FLNA: variants seen among roughly 807,000 people sequenced by gnomAD.
The protein encoded by FLNA is filamin A.
Under a neutral mutation model 157.6 loss-of-function variants are expected in FLNA, and 7 were observed. The ratio of observed to expected loss-of-function variants is 0.04; its 90% CI spans 0.03 to 0.08. The LOEUF is 0.08. Among genes scored for constraint, FLNA ranks in the 10% least tolerant of loss-of-function variants. The pLI is 1.00. For missense variants in FLNA, 1,750 were observed against 2,398.4 expected (o/e 0.73, Z 5.65); for synonymous variants, 1,103 against 1,060.8 (o/e 1.04, Z -0.77).
chrX:154,352,496 T>G (rs1557175983), intron 40 of FLNA, 49 bp from the exon 41 acceptor site: 1 of 1,211,276 alleles, frequency 8.3e-7, no homozygotes, highest in East Asian at 3.0e-5. Flanking sequence ...GCTCCACCCC[T>G]CCTCTTGGGG....
chrX:154,361,814 G>A (rs1557178107), intron 19 of FLNA, 27 bp from the exon 20 acceptor site: 3 of 1,139,509 alleles, frequency 2.6e-6, no homozygotes, highest in Admixed American at 2.2e-5. Context: ...AGGGAAGGGG[G>A]TATTTAGAGA....
intron 1 of FLNA, among the ~76,000 whole-genome samples, chrX:154,372,722 CTGAG>C (rs1557180616): frequency 2.1e-5 from 2 of 96,895 alleles, no homozygotes; most frequent in Non-Finnish European, 4.0e-5. Context: ...GTTTCCTCCT[CTGAG>C]TGTTTTTTTT....
rs2067804266 is a variant in FLNA at position 154,371,195 on chromosome X, C to T, written c.51G>A (p.Pro17=). 8.4e-7 allele frequency: 1 copy of T among 1,196,028 alleles called. No homozygotes were observed. Among genetic ancestry groups the T allele is most frequent in the East Asian group, 3.0e-5 (1 of 33,249 alleles). The change falls in exon 2 of 48, where the codon CCG becomes CCA. Residue 17 remains proline, a synonymous_variant. Transcript: ENST00000369850. The stretch of plus-strand genomic sequence containing the variant: ...CGTCCCGCGTGTCGACGCCGCCGCC[C>T]GGAGCCGCGCCTGCTGCGCTCTGGC... ...RAGQSAAGAA[P]GGGVDTRDAE...
Position 154,357,631 on chromosome X carries a change from G to C in FLNA, c.4756-8C>G, listed in dbSNP as rs782437508. ...CGGCTTGCCTTCGGGATCCTGTGTG[G>C]CAGAGGCAGGGGAGGCAGTTGGCCC... is the stretch of plus-strand genomic sequence containing the variant. On this transcript the variant is annotated splice_polypyrimidine_tract_variant and splice_region_variant and intron_variant, in intron 28 of 47. Transcript: ENST00000369850. 1 of 1,209,215 alleles carries C rather than the reference G, an allele frequency of 8.3e-7. No individual in the cohort carries two copies. Among genetic ancestry groups the C allele is most frequent in the South Asian group, 1.8e-5 (1 of 56,744 alleles).
chrX:154,360,602 G>A lies in FLNA; in HGVS notation c.3208-15C>T. 8.5e-7 allele frequency: 1 copy of A among 1,180,306 alleles called. No individual in the cohort carries two copies. Among genetic ancestry groups the A allele is most frequent in the Non-Finnish European group, 1.1e-6 (1 of 875,870 alleles). On this transcript the variant is annotated splice_polypyrimidine_tract_variant and intron_variant, in intron 21 of 47. Transcript: ENST00000369850. ...AACGCCTTCACCTGAGGGAAGAAGG[G>A]GTCAGGAGCCAAGGCCACACTATGC...
chrX:154,373,014 C>T (rs782437495), intron 1 of FLNA, among the ~76,000 whole-genome samples: 3 of 111,469 alleles, frequency 2.7e-5, no homozygotes, highest in Non-Finnish European at 5.7e-5. Flanking sequence ...CTGAGGCCAA[C>T]CCCTGTATAT....
chrX:154,356,892 C>A (rs1266956021), intron 30 of FLNA, among the ~76,000 whole-genome samples: 2 of 112,362 alleles, frequency 1.8e-5, no homozygotes. Context: ...ACCCCTTGTT[C>A]CCTCAGCCCA....
chrX:154,350,340 C>A (rs1418919448), intron 44 of FLNA, 133 bp from the exon 45 acceptor site: 1 of 563,551 alleles, frequency 1.8e-6, no homozygotes, highest in Admixed American at 2.7e-5. Context: ...CCACGCTGGG[C>A]ACCTGCACCC....
chrX:154,349,652 T>C lies in FLNA; in HGVS notation c.7549A>G (p.Thr2517Ala). ...AATAGCTTGGCCCCAGGCTCACCTG[T>C]GACTTTGGCCTTGAAGGGGCTGCCC... ...IGGSPFKAKV[T>A]GPRLVSNHSL... Residue 2517 changes from threonine (T) to alanine (A), a missense_variant, in exon 46 of 48, where the codon ACA (threonine) becomes GCA (alanine). By Grantham distance (58) the Thr-to-Ala change is moderately conservative. This residue lies in a region of FLNA where 970 missense variants were observed against 1,302.6 expected (regional missense o/e 0.74). Transcript: ENST00000369850. The C allele has an allele frequency of 1.7e-6, 2 of 1,211,851 alleles. No homozygotes were observed. Among genetic ancestry groups the C allele is most frequent in the Non-Finnish European group, 2.2e-6 (2 of 895,317 alleles).
chrX:154,351,543 C>A (rs2067619226), intron 43 of FLNA, 38 bp downstream of exon 43: 1 of 983,736 alleles, frequency 1.0e-6, no homozygotes, highest in Non-Finnish European at 1.4e-6. Flanking sequence ...TGTCCGGGCC[C>A]AGGAGCCCCA....
At position 154,358,969 on chromosome X, in the gene FLNA, C is replaced by A. The variant is rs782677631; in HGVS notation, c.4474+15G>T. ...TGCCCTCCTGACCCCTGGCTCCAGG[C>A]ATGCAAACACTCACCTTTGGGCCCT... On this transcript the variant is annotated intron_variant, in intron 26 of 47. Coordinates refer to ENST00000369850, the MANE Select transcript of FLNA (RefSeq NM_001110556.2). 6.6e-6 allele frequency: 8 copies of A among 1,207,903 alleles called. No homozygotes were observed. Among genetic ancestry groups the A allele is most frequent in the South Asian group, 5.3e-5 (3 of 56,855 alleles).
In FLNA at chrX:154,360,603, G is replaced by A. The variant is rs2067698849; in HGVS notation, c.3208-16C>T. On this transcript the variant is annotated splice_polypyrimidine_tract_variant and intron_variant, in intron 21 of 47. Coordinates refer to ENST00000369850, the MANE Select transcript of FLNA (RefSeq NM_001110556.2). Reference sequence around the variant, plus strand: ...ACGCCTTCACCTGAGGGAAGAAGGGGTCAGGAGCCAAGGCCACACTATGCC... The same window carrying A: ...ACGCCTTCACCTGAGGGAAGAAGGGATCAGGAGCCAAGGCCACACTATGCC... The A allele has an allele frequency of 8.5e-7, 1 of 1,179,633 alleles. No individual in the cohort carries two copies. The highest frequency in any genetic ancestry group is 1.8e-5 in the South Asian group (1 of 55,995).
chrX:154,364,291 C>T lies in FLNA; in HGVS notation c.2104G>A (p.Gly702Ser), dbSNP rs781988346. Residue 702 changes from glycine (G) to serine (S), a missense_variant, in exon 14 of 48, where the codon GGT becomes AGT. Gly to Ser is a moderately conservative substitution (Grantham distance 56). This residue lies in a region of FLNA where 648 missense variants were observed against 805.8 expected (regional missense o/e 0.80). Coordinates refer to ENST00000369850, the MANE Select transcript of FLNA (RefSeq NM_001110556.2). ...PAEFTVDAKH[G>S]GKAPLRVQVQ... is the part of the protein sequence containing the mutation. ...TGGACCCGAAGTGGGGCCTTGCCACCGTGCTTGGCATCCACTGTGAACTCT... is the reference window on the plus strand; with the variant it reads ...TGGACCCGAAGTGGGGCCTTGCCACTGTGCTTGGCATCCACTGTGAACTCT... 2.6e-5 allele frequency: 32 copies of T among 1,211,178 alleles called. No homozygotes were observed. The highest frequency in any genetic ancestry group is 3.5e-5 in the South Asian group (2 of 57,017).
rs373913879 is a variant in FLNA at position 154,352,200 on chromosome X, T to C, written c.6750A>G (p.Arg2250=). The part of the protein sequence containing the change: ...KVRAGGPGLE[R]AEAGVPAEFS... ...GCCTACCTGGCACTCCAGCTTCAGC[T>C]CTCTCCAGGCCAGGGCCCCCAGCTC... The change falls in exon 41 of 48, where the codon AGA becomes AGG. Residue 2250 remains arginine, a synonymous_variant. Transcript: ENST00000369850. 1.9e-5 allele frequency: 23 copies of C among 1,209,276 alleles called. No individual in the cohort carries two copies. The highest frequency in any genetic ancestry group is 1.8e-5 in the Non-Finnish European group (16 of 895,028).
chrX:154,364,673 G>A lies in FLNA; in HGVS notation c.1875C>T (p.Asp625=), dbSNP rs200660642. ...GCACATCACAGGAGCCGTCGCCCTT[G>A]TCGTCACATTCGATCTTAGCCTGCG... ...GPSQAKIECD[D]KGDGSCDVRY... The change falls in exon 13 of 48, where the codon GAC becomes GAT. Residue 625 remains aspartate, a synonymous_variant. Coordinates refer to ENST00000369850, the MANE Select transcript of FLNA (RefSeq NM_001110556.2). 2,280 of 1,208,470 alleles carry A rather than the reference G, an allele frequency of 1.9e-3. No homozygotes were observed. The highest frequency in any genetic ancestry group is 2.4e-3 in the Non-Finnish European group (2,165 of 894,823).
chrX:154,350,137 G>A lies in FLNA; in HGVS notation c.7227C>T (p.Thr2409=), dbSNP rs375751609. 12 of 1,210,190 alleles carry A rather than the reference G, an allele frequency of 9.9e-6. No homozygotes were observed. In the African/African-American group the frequency reaches 2.1e-4, roughly 21 times the overall value. The part of the protein sequence containing the change: ...VYLIDVKFNG[T]HIPGSPFKIR... ...TCTTGAAGGGGCTTCCAGGGATGTG[G>A]GTGCCGTTGAACTTGACGTCAATCA... is the stretch of plus-strand genomic sequence containing the variant. Residue 2409 remains threonine, a synonymous_variant, in exon 45 of 48, where the codon ACC becomes ACT. Transcript: ENST00000369850.
At position 154,366,076 on chromosome X, in the gene FLNA, C is replaced by T. The variant is rs782029838; in HGVS notation, c.1377G>A (p.Thr459=). 1.2e-5 allele frequency: 15 copies of T among 1,208,740 alleles called. No homozygotes were observed. Among genetic ancestry groups the T allele is most frequent in the South Asian group, 1.8e-5 (1 of 56,928 alleles). Residue 459 remains threonine, a synonymous_variant, in exon 9 of 48, where the codon ACG becomes ACA. Transcript: ENST00000369850. ...TMEGVHTVHV[T]FAGVPIPRSP... is the part of the protein sequence containing the mutation. ...TGCGAGGGATGGGCACGCCGGCAAA[C>T]GTGACGTGCACGGTGTGGACGCCCT...
Position 154,364,169 on chromosome X carries a change from T to C in FLNA, c.2137-4A>G. The C allele has an allele frequency of 8.3e-7, 1 of 1,211,199 alleles. No individual in the cohort carries two copies. Among genetic ancestry groups the C allele is most frequent in the Non-Finnish European group, 1.1e-6 (1 of 895,382 alleles). ...CCACAGGGCAGCCTTCATTGTCCTG[T>C]CAGGCAGATAGGAGCAGGTGGCCTG... On this transcript the variant is annotated splice_region_variant and splice_polypyrimidine_tract_variant and intron_variant, in intron 14 of 47. Coordinates refer to ENST00000369850, the MANE Select transcript of FLNA (RefSeq NM_001110556.2).
In FLNA at chrX:154,354,010, T is replaced by G. The variant is rs782095418; in HGVS notation, c.5591A>C (p.Asn1864Thr). 5 of 1,211,891 alleles carry G rather than the reference T, an allele frequency of 4.1e-6. No homozygotes were observed. The highest frequency in any genetic ancestry group is 5.6e-6 in the Non-Finnish European group (5 of 895,422). Residue 1864 changes from asparagine (N) to threonine (T), a missense_variant, in exon 35 of 48, where the codon AAC becomes ACC. By Grantham distance (65) the Asn-to-Thr change is moderately conservative. Around this residue, in one of 5 missense-constraint regions of FLNA, gnomAD observed 970 missense variants for 1,302.6 expected, o/e 0.74. Transcript: ENST00000369850. ...SPLQFYVDYV[N>T]CGHVTAYGPG... is the part of the protein sequence containing the mutation. Reference sequence around the variant, plus strand: ...CCCATAGGCAGTGACATGGCCACAGTTGACGTAATCCACATAGAACTGCAA... The same window carrying G: ...CCCATAGGCAGTGACATGGCCACAGGTGACGTAATCCACATAGAACTGCAA...
Sources: allele counts gnomAD v4.1 joint callset (sites outside exome capture counted in the v4.1 genomes callset), GRCh38; gene constraint gnomAD v4.1.1; regional missense constraint gnomAD v4.1.1; transcripts MANE v1.5; gene names NCBI Gene and HGNC (gene_info 2026-07-23, HGNC 2026-07-21).